Variants in NCK2 observed in about 807,000 individuals in gnomAD.
NCK2 encodes cytoplasmic protein NCK2.
Under a neutral mutation model 33.9 loss-of-function variants are expected in NCK2, and 16 were observed. The observed-to-expected ratio is 0.47, with a 90% confidence interval of 0.32 to 0.72. The LOEUF (loss-of-function observed/expected upper bound fraction) is 0.72. NCK2 is among the 30% of genes least tolerant of loss of function. The pLI, the probability that NCK2 is intolerant of heterozygous loss-of-function variation, is 0.03. For missense variants in NCK2, 418 were observed against 537.3 expected (o/e 0.78, Z 2.19); for synonymous variants, 273 against 239.9 (o/e 1.14, Z -1.27).
intron 4 of NCK2, among the ~76,000 whole-genome samples, 160 bp from the exon 5 acceptor site, chr2:105,892,822 G>C (rs1211248372): frequency 6.6e-6 from 1 of 150,798 alleles, no homozygotes; most frequent in East Asian, 2.0e-4. Flanking sequence ...CTACAGCCTG[G>C]GCAAAAGAGT....
chr2:105,890,799 G>T (rs1224851902), intron 4 of NCK2, among the ~76,000 whole-genome samples: 1 of 152,192 alleles, frequency 6.6e-6, no homozygotes, highest in African/African-American at 2.4e-5. Flanking sequence ...TCCTTGTTTT[G>T]CAAGGGTTGC....
intron 1 of NCK2, among the ~76,000 whole-genome samples, chr2:105,780,323 T>TACACAC (rs1474176606): frequency 9.7e-6 from 1 of 102,696 alleles, no homozygotes; most frequent in South Asian, 2.8e-4. Flanking sequence ...GAGAGAGATA[T>TACACAC]ATACACACAC....
chr2:105,875,971 T>A (rs1021153785), intron 3 of NCK2, among the ~76,000 whole-genome samples: 1 of 152,226 alleles, frequency 6.6e-6, no homozygotes, highest in Non-Finnish European at 1.5e-5. Context: ...GCTTTTTTTT[T>A]AGTTACTTTC....
intron 1 of NCK2, among the ~76,000 whole-genome samples, chr2:105,773,688 AC>A (rs367757764): frequency 2.0e-5 from 3 of 152,044 alleles, no homozygotes; most frequent in African/African-American, 7.2e-5. Context: ...AGCAGCAGTC[AC>A]CCACTCAACA....
intron 1 of NCK2, among the ~76,000 whole-genome samples, chr2:105,812,256 G>C (rs1357452026): frequency 6.6e-6 from 1 of 152,186 alleles, no homozygotes; most frequent in Non-Finnish European, 1.5e-5. Context: ...ATGATTAAGA[G>C]ACAGCTGAGG....
At chr2:105,744,859 G>A (rs1689208280), upstream of NCK2, 3 of 143,226 alleles carry the variant, frequency 2.1e-5, no homozygotes, top group East Asian at 2.2e-4. Context: ...GCGCGCCGGG[G>A]GAGGGTCGCC....
intron 4 of NCK2, among the ~76,000 whole-genome samples, chr2:105,889,797 G>T (rs535344915): frequency 9.9e-5 from 15 of 152,100 alleles, no homozygotes; most frequent in African/African-American, 2.7e-4. Flanking sequence ...TGTTGCCCAG[G>T]CTGATCTCAA....
chr2:105,774,892 G>A (rs1026725796), intron 1 of NCK2, among the ~76,000 whole-genome samples: 8 of 150,254 alleles, frequency 5.3e-5, no homozygotes, highest in Admixed American at 2.6e-4. Flanking sequence ...CTGAAAAAAC[G>A]CTTTCTAAAA....
intron 3 of NCK2, 92 bp downstream of exon 3, chr2:105,855,381 AGTCTGTTT>A: frequency 3.8e-6 from 4 of 1,041,750 alleles, no homozygotes; most frequent in Non-Finnish European, 5.5e-6. Flanking sequence ...AAAAAAAAAA[AGTCTGTTT>A]TAAAAGTTAA....
At chr2:105,761,948 G>GT (rs1689777755) in intron 1 of NCK2, among the ~76,000 whole-genome samples, 1 of 152,212 alleles carries the variant, frequency 6.6e-6, no homozygotes, top group Non-Finnish European at 1.5e-5. Context: ...CTGTGTTACA[G>GT]TTTATGTTTT....
intron 4 of NCK2, among the ~76,000 whole-genome samples, chr2:105,883,794 G>A (rs546456420): frequency 6.6e-6 from 1 of 152,338 alleles, no homozygotes; most frequent in South Asian, 2.1e-4. Context: ...AGCACGAATT[G>A]TTTGTATTTC....
At position 105,846,336 on chromosome 2, in the gene NCK2, T is replaced by C. The variant is rs1676854324; in HGVS notation, c.-16-8712T>C. Among the ~76,000 whole-genome samples the C allele has an allele frequency of 2.0e-5, 3 of 152,178 alleles. No individual in the cohort carries two copies. The South Asian group carries it at 6.2e-4, about 32-fold the overall frequency. The stretch of plus-strand genomic sequence containing the variant: ...TGCAGAACGCTAGTGTGTCTTGGCA[T>C]TTCAGAGAGTAAATGAGTTGCTCAA... On this transcript the variant is annotated intron_variant, in intron 2 of 4. Transcript: ENST00000233154.
At position 105,893,214 on chromosome 2, in the gene NCK2, G is replaced by C; in HGVS notation, c.*38G>C. The C allele has an allele frequency of 6.5e-7, 1 of 1,531,778 alleles. No individual in the cohort carries two copies. The highest frequency in any genetic ancestry group is 2.0e-5 in the Admixed American group (1 of 49,822). 94.9% of individuals were successfully genotyped at this position (1,531,778 alleles called of 1,614,324 possible). On this transcript the variant is annotated 3_prime_UTR_variant, in exon 5 of 5. Transcript: ENST00000233154. The stretch of plus-strand genomic sequence containing the variant: ...CCCACACTCGCCTCCCGGGCCCCAC[G>C]GTGGAGCTGCCCGCCCGGCCTTGTG...
At chr2:105,833,697 G>C (rs1273159833) in intron 2 of NCK2, among the ~76,000 whole-genome samples, 1 of 151,542 alleles carries the variant, frequency 6.6e-6, no homozygotes, top group African/African-American at 2.4e-5. Flanking sequence ...CAGTTCTCTG[G>C]TCTTTATTAT....
intron 1 of NCK2, among the ~76,000 whole-genome samples, chr2:105,774,826 C>CT (rs1378279030): frequency 1.3e-5 from 2 of 152,122 alleles, no homozygotes; most frequent in Admixed American, 6.6e-5. Context: ...AGCCACTTTT[C>CT]TTTTTGAGTT....
At chr2:105,863,975 G>A (rs541812687) in intron 3 of NCK2, among the ~76,000 whole-genome samples, 2 of 146,656 alleles carry the variant, frequency 1.4e-5, no homozygotes, top group African/African-American at 4.8e-5. Flanking sequence ...TTGGCGAGGG[G>A]GGGTGGGGTC....
intron 2 of NCK2, among the ~76,000 whole-genome samples, chr2:105,821,532 G>A (rs187555401): frequency 1.3e-5 from 2 of 152,106 alleles, no homozygotes; most frequent in African/African-American, 4.8e-5. Context: ...TTAATGCTGC[G>A]GATAAATCTG....
At chr2:105,841,911 C>T (rs570044779) in intron 2 of NCK2, among the ~76,000 whole-genome samples, 1 of 152,092 alleles carries the variant, frequency 6.6e-6, no homozygotes, top group Non-Finnish European at 1.5e-5. Flanking sequence ...GGGAAGGGAG[C>T]TCGCTTAGAA....
chr2:105,769,948 C>T (rs1294312433), intron 1 of NCK2, among the ~76,000 whole-genome samples: 1 of 152,124 alleles, frequency 6.6e-6, no homozygotes, highest in Non-Finnish European at 1.5e-5. Context: ...GCCTTGGCCC[C>T]GCCATGAGGT....
Sources: allele counts gnomAD v4.1 joint callset (sites outside exome capture counted in the v4.1 genomes callset), GRCh38; gene constraint gnomAD v4.1.1; transcripts MANE v1.5; gene names NCBI Gene and HGNC (gene_info 2026-07-23, HGNC 2026-07-21).